PTPRM: variants seen among roughly 807,000 people sequenced by gnomAD.
The protein encoded by PTPRM is protein tyrosine phosphatase receptor type M, also known as receptor-type tyrosine-protein phosphatase mu.
Under a neutral mutation model 186.7 loss-of-function variants are expected in PTPRM, and 47 were observed. The ratio of observed to expected loss-of-function variants is 0.25; its 90% confidence interval spans 0.20 to 0.32. The LOEUF is 0.32. Ranked by LOEUF, PTPRM falls within the 10% of genes least tolerant of loss-of-function variation. The pLI, the probability that PTPRM is intolerant of heterozygous loss-of-function variation, is 1.00. For missense variants in PTPRM, 1,494 were observed against 1,865.0 expected, an observed-to-expected ratio of 0.80 and a Z score of 3.66; for synonymous variants, 668 against 674.9, an observed-to-expected ratio of 0.99 and a Z score of 0.16.
chr18:7,784,804 A>G (rs1439819156), intron 2 of PTPRM, among the ~76,000 whole-genome samples: 3 of 152,172 alleles, frequency 2.0e-5, no homozygotes, highest in African/African-American at 7.2e-5. Context: ...GGATTCAGGG[A>G]GACATCAGCC....
intron 32 of PTPRM, among the ~76,000 whole-genome samples, chr18:8,394,990 G>A (rs577370977): frequency 1.4e-3 from 212 of 152,142 alleles, no homozygotes; most frequent in African/African-American, 4.8e-3. Context: ...TAGCTTAATC[G>A]CCTAATATTT....
At chr18:7,787,523 C>A (rs2043148026) in intron 2 of PTPRM, among the ~76,000 whole-genome samples, 1 of 152,178 alleles carries the variant, frequency 6.6e-6, no homozygotes, top group Non-Finnish European at 1.5e-5. Context: ...GGATGAGAGT[C>A]AAGGTGTTCT....
chr18:7,875,859 T>C (rs2048214813), intron 2 of PTPRM, among the ~76,000 whole-genome samples: 1 of 152,124 alleles, frequency 6.6e-6, no homozygotes, highest in Admixed American at 6.5e-5. Context: ...GCGAACATGA[T>C]AGAGTGCACT....
At chr18:7,825,492 G>A (rs755868150) in intron 2 of PTPRM, among the ~76,000 whole-genome samples, 112 of 152,276 alleles carry the variant, frequency 7.4e-4, no homozygotes, top group Non-Finnish European at 1.1e-3. Context: ...TGAGGATATA[G>A]CCAGGTGTTT....
At chr18:7,852,014 A>T (rs2889681) in intron 2 of PTPRM, among the ~76,000 whole-genome samples, 4,421 of 152,260 alleles carry the variant, frequency 0.029, 205 homozygotes, top group African/African-American at 0.1. Flanking sequence ...AGCAATCACA[A>T]AAAGAATAGA....
At chr18:8,208,160 C>G (rs763019008) in intron 14 of PTPRM, among the ~76,000 whole-genome samples, 1 of 152,192 alleles carries the variant, frequency 6.6e-6, no homozygotes, top group Middle Eastern at 3.2e-3. Context: ...TGGCCTGATG[C>G]GTGCTCTCCT....
At chr18:7,750,746 T>C (rs1021154352) in intron 1 of PTPRM, among the ~76,000 whole-genome samples, 1 of 152,212 alleles carries the variant, frequency 6.6e-6, no homozygotes, top group African/African-American at 2.4e-5. Context: ...TGCTTTCGTA[T>C]GAGTACACAC....
At chr18:7,650,895 A>G (rs572604302) in intron 1 of PTPRM, among the ~76,000 whole-genome samples, 1 of 152,242 alleles carries the variant, frequency 6.6e-6, no homozygotes, top group East Asian at 1.9e-4. Context: ...TGTAAAATGC[A>G]AAGTTATAAA....
intron 14 of PTPRM, among the ~76,000 whole-genome samples, chr18:8,219,486 C>T (rs576356663): frequency 6.6e-6 from 1 of 151,716 alleles, no homozygotes; most frequent in African/African-American, 2.4e-5. Flanking sequence ...AAAACTTATT[C>T]TGAGTCAATA....
At chr18:8,021,708 C>T (rs1353975474) in intron 7 of PTPRM, among the ~76,000 whole-genome samples, 3 of 152,140 alleles carry the variant, frequency 2.0e-5, no homozygotes, top group African/African-American at 7.2e-5. Flanking sequence ...TTTTTTATGG[C>T]TGCAGAGTAT....
intron 4 of PTPRM, among the ~76,000 whole-genome samples, chr18:7,912,450 G>A (rs953471842): frequency 6.6e-6 from 1 of 152,050 alleles, no homozygotes. Context: ...TTGAAATTTG[G>A]ATCAGTGGGT....
At chr18:8,368,729 C>A (rs1319844637) in intron 23 of PTPRM, among the ~76,000 whole-genome samples, 1 of 152,210 alleles carries the variant, frequency 6.6e-6, no homozygotes, top group Non-Finnish European at 1.5e-5. Context: ...GCTCAGATTT[C>A]TTTTGTAAAC....
intron 10 of PTPRM, among the ~76,000 whole-genome samples, chr18:8,087,021 G>A (rs1167771028): frequency 6.6e-6 from 1 of 152,000 alleles, no homozygotes; most frequent in African/African-American, 2.4e-5. Flanking sequence ...AAATGGGTTG[G>A]TAGAAGAAAG....
rs576063333 is a variant in PTPRM, at chr18:8,158,765, A to G, written c.2300+14986A>G. 2.0e-4 allele frequency among the ~76,000 whole-genome samples: 30 copies of G among 152,290 alleles called. No individual in the cohort carries two copies. The South Asian group carries it at 5.0e-3, about 25-fold the overall frequency. On this transcript the variant is annotated intron_variant, in intron 14 of 32. Coordinates refer to ENST00000580170, the MANE Select transcript of PTPRM (RefSeq NM_001105244.2). ...AAGCTTCCAATCATGGAGGAAGGCA[A>G]AGCACAAGCAGGCGTGTCCCATGGC...
chr18:8,311,047 G>A (rs1245517348), intron 20 of PTPRM, among the ~76,000 whole-genome samples: 2 of 152,178 alleles, frequency 1.3e-5, no homozygotes, highest in South Asian at 2.1e-4. Context: ...GGTGGCTCAC[G>A]CCTGTAATCC....
intron 11 of PTPRM, among the ~76,000 whole-genome samples, chr18:8,096,421 TC>T (rs944379862): frequency 3.9e-5 from 6 of 152,176 alleles, no homozygotes; most frequent in African/African-American, 1.4e-4. Flanking sequence ...TGTTATGCGT[TC>T]CCCTCTTATT....
chr18:8,165,326 A>C (rs2093306229), intron 14 of PTPRM, among the ~76,000 whole-genome samples: 1 of 152,124 alleles, frequency 6.6e-6, no homozygotes, highest in Non-Finnish European at 1.5e-5. Context: ...CTTGTCATCA[A>C]GTGTTTCCCT....
At chr18:8,209,305 C>T (rs1426646841) in intron 14 of PTPRM, among the ~76,000 whole-genome samples, 2 of 151,926 alleles carry the variant, frequency 1.3e-5, no homozygotes, top group Non-Finnish European at 1.5e-5. Flanking sequence ...TGGCTGGTCC[C>T]GAGTGGTAGC....
chr18:8,011,120 C>G lies in PTPRM; in HGVS notation c.1132+55706C>G, dbSNP rs531428418. Among the ~76,000 whole-genome samples the G allele has an allele frequency of 3.0e-4, 46 of 152,252 alleles. 1 individual carries two copies. The highest frequency in any genetic ancestry group is 1.0e-3 in the African/African-American group (42 of 41,540). ...AATGGAGTGTCTATTCCGGACAGAA[C>G]AGGCTTTCCCAAAAGAGGGACTGTT... On this transcript the variant is annotated intron_variant, in intron 7 of 32. Transcript: ENST00000580170.
Sources: allele counts gnomAD v4.1 joint callset (sites outside exome capture counted in the v4.1 genomes callset), GRCh38; gene constraint gnomAD v4.1.1; transcripts MANE v1.5; gene names NCBI Gene and HGNC (gene_info 2026-07-23, HGNC 2026-07-21).